ATP5PF: variants seen among roughly 807,000 people sequenced by gnomAD.
ATP5PF encodes ATP synthase peripheral stalk subunit F6.
ATP5PF carries 7 observed loss-of-function variants against 12.0 expected under a neutral mutation model. The ratio of observed to expected loss-of-function variants is 0.58; its 90% confidence interval spans 0.33 to 1.10. The LOEUF (loss-of-function observed/expected upper bound fraction) is 1.10, where lower values mean the gene tolerates loss of function less well. Ranked by LOEUF, ATP5PF falls within the 50% of genes least tolerant of loss-of-function variation. The pLI is 0.03. For missense variants in ATP5PF, 120 were observed against 127.7 expected (o/e 0.94, Z 0.29); for synonymous variants, 41 against 45.4 (o/e 0.90, Z 0.39).
chr21:25,725,902 G>A (rs907489290), intron 2 of ATP5PF, among the ~76,000 whole-genome samples: 4 of 152,124 alleles, frequency 2.6e-5, no homozygotes, highest in Non-Finnish European at 4.4e-5. Context: ...TCAGAATCAC[G>A]GACACTCACT....
At chr21:25,730,545 C>T (rs2034735338) in intron 1 of ATP5PF, among the ~76,000 whole-genome samples, 2 of 151,764 alleles carry the variant, frequency 1.3e-5, no homozygotes, top group Non-Finnish European at 1.5e-5. Flanking sequence ...ACCAGCCTGA[C>T]CAACAAAAAG....
intron 1 of ATP5PF, among the ~76,000 whole-genome samples, chr21:25,733,089 A>T: frequency 6.6e-6 from 1 of 152,154 alleles, no homozygotes; most frequent in East Asian, 1.9e-4. Context: ...AAGAAATTAA[A>T]GAATTCATAA....
Position 25,724,572 on chromosome 21 carries a change from T to C in ATP5PF, c.*68A>G. 1 of 1,514,878 alleles carries C rather than the reference T, an allele frequency of 6.6e-7. No individual in the cohort carries two copies. Among genetic ancestry groups the C allele is most frequent in the Non-Finnish European group, 9.1e-7 (1 of 1,102,760 alleles). The allele number at this position is 1,514,878 out of a possible 1,614,324, so 93.8% of individuals were successfully genotyped here. On this transcript the variant is annotated 3_prime_UTR_variant, in exon 4 of 4. Coordinates refer to ENST00000284971, the MANE Select transcript of ATP5PF (RefSeq NM_001003703.2). ...TGACAGTTATGAAATGCATGTTTAT[T>C]CTGAAACTTCTAACTAGTTGTACAA...
At chr21:25,734,958 T>C (rs766878572), upstream of ATP5PF, 32 of 1,572,366 alleles carry the variant, frequency 2.0e-5, no homozygotes, top group Non-Finnish European at 2.5e-5. Context: ...CAATGCATTA[T>C]GGGCCGCCGT....
At chr21:25,734,785 G>A in intron 1 of ATP5PF, 68 bp downstream of exon 1, 1 of 1,449,778 alleles carries the variant, frequency 6.9e-7, no homozygotes, top group Non-Finnish European at 9.2e-7. Flanking sequence ...AGGCAGCCCA[G>A]GCCTCGTGAA....
intron 3 of ATP5PF, chr21:25,724,893 A>C: frequency 1.7e-6 from 1 of 596,398 alleles, no homozygotes; most frequent in South Asian, 2.1e-5. Context: ...ATTTAACTAC[A>C]TATGCAGAAG....
intron 1 of ATP5PF, among the ~76,000 whole-genome samples, chr21:25,730,841 T>C (rs939002286): frequency 2.0e-5 from 3 of 146,712 alleles, no homozygotes; most frequent in African/African-American, 7.4e-5. Context: ...AACTAAAACA[T>C]TTCAGTAGAG....
chr21:25,726,116 C>T (rs2034612590), intron 2 of ATP5PF, among the ~76,000 whole-genome samples: 1 of 152,190 alleles, frequency 6.6e-6, no homozygotes, highest in South Asian at 2.1e-4. Flanking sequence ...TGCACACGTA[C>T]CTCTAAGCAC....
At chr21:25,732,196 C>A (rs2034800562) in intron 1 of ATP5PF, among the ~76,000 whole-genome samples, 1 of 152,178 alleles carries the variant, frequency 6.6e-6, no homozygotes, top group East Asian at 1.9e-4. Context: ...TCTCACCAAG[C>A]TGAGTGCTAC....
At chr21:25,725,458 T>G (rs1737873612) in intron 2 of ATP5PF, 108 bp from the exon 3 acceptor site, 1 of 1,284,650 alleles carries the variant, frequency 7.8e-7, no homozygotes, top group African/African-American at 1.5e-5. Flanking sequence ...TTTTCTTTTT[T>G]GAGACGGAGT....
At chr21:25,731,457 T>G (rs1378207167) in intron 1 of ATP5PF, among the ~76,000 whole-genome samples, 1 of 151,580 alleles carries the variant, frequency 6.6e-6, no homozygotes, top group Non-Finnish European at 1.5e-5. Context: ...TGAACACGGC[T>G]CACTACAGCC....
intron 3 of ATP5PF, chr21:25,725,007 C>T (rs2034578242): frequency 3.1e-6 from 2 of 638,540 alleles, no homozygotes; most frequent in East Asian, 3.0e-5. Flanking sequence ...TTGGGCAGTT[C>T]GATTTCAGAT....
intron 1 of ATP5PF, 93 bp downstream of exon 1, chr21:25,734,760 C>A (rs921040365): frequency 1.1e-4 from 137 of 1,266,586 alleles, no homozygotes; most frequent in Non-Finnish European, 1.4e-4. Context: ...GCTCTCTCCT[C>A]CTAGTAAAGG....
chr21:25,734,521 G>T, intron 1 of ATP5PF: 1 of 574,652 alleles, frequency 1.7e-6, no homozygotes, highest in Non-Finnish European at 2.3e-6. Flanking sequence ...GTGCGCCCGG[G>T]GCGGGTAGGC....
intron 2 of ATP5PF, among the ~76,000 whole-genome samples, chr21:25,726,306 CAT>C (rs1432333450): frequency 6.6e-6 from 1 of 152,166 alleles, no homozygotes; most frequent in Non-Finnish European, 1.5e-5. Context: ...AAAAAAATTA[CAT>C]GTTTACAAAC....
At chr21:25,725,721 G>A (rs988414330) in intron 2 of ATP5PF, among the ~76,000 whole-genome samples, 30 of 152,204 alleles carry the variant, frequency 2.0e-4, no homozygotes, top group African/African-American at 7.0e-4. Context: ...TTACAGGCGT[G>A]AGCCACCACA....
Position 25,730,736 on chromosome 21 carries a change from C to CAAAAAAAAA in ATP5PF, c.-7-944_-7-936dup, listed in dbSNP as rs71183508. 5.7e-3 allele frequency among the ~76,000 whole-genome samples: 183 copies of CAAAAAAAAA among 31,876 alleles called. 14 individuals are homozygous for CAAAAAAAAA. The highest frequency in any genetic ancestry group is 9.7e-3 in the Non-Finnish European group (139 of 14,366). The allele number at this position is 31,876 out of a possible 152,430, so 20.9% of individuals were successfully genotyped here. A position where few individuals can be genotyped will look rare whatever the true frequency, so the allele number is the denominator to read the frequency against. ...GCAACAAGAGCAAGACTCCGTCTCA[C>CAAAAAAAAA]AAAAAAAAAAAAAAAAAAAAAAAAA... On this transcript the variant is annotated intron_variant, in intron 1 of 3. Transcript: ENST00000284971.
rs71183508 is a variant in ATP5PF, at chr21:25,730,736, CAAAAAAAA to C, written c.-7-943_-7-936del. Reference sequence around the variant, plus strand: ...GCAACAAGAGCAAGACTCCGTCTCACAAAAAAAAAAAAAAAAAAAAAAAAAAAAAAAAA... The same window carrying C: ...GCAACAAGAGCAAGACTCCGTCTCACAAAAAAAAAAAAAAAAAAAAAAAAA... On this transcript the variant is annotated intron_variant, in intron 1 of 3. Transcript: ENST00000284971. 4.6e-3 allele frequency among the ~76,000 whole-genome samples: 147 copies of C among 31,854 alleles called. 1 individual carries two copies. The highest frequency in any genetic ancestry group is 6.5e-3 in the African/African-American group (74 of 11,408). The allele number at this position is 31,854 out of a possible 152,430, so 20.9% of individuals were successfully genotyped here.
intron 1 of ATP5PF, among the ~76,000 whole-genome samples, chr21:25,731,016 T>C (rs1601089350): frequency 6.6e-6 from 1 of 151,942 alleles, no homozygotes; most frequent in Admixed American, 6.6e-5. Context: ...CCGAGGCAGG[T>C]GGATCACTTG....
Sources: allele counts gnomAD v4.1 joint callset (sites outside exome capture counted in the v4.1 genomes callset), GRCh38; gene constraint gnomAD v4.1.1; transcripts MANE v1.5; gene names NCBI Gene and HGNC (gene_info 2026-07-23, HGNC 2026-07-21).